EPHA3: variants seen among roughly 807,000 people sequenced by gnomAD.
EPHA3 encodes the protein EPH receptor A3, also known as ephrin type-A receptor 3.
EPHA3 carries 42 observed loss-of-function variants against 107.1 expected under a neutral mutation model. The observed-to-expected ratio is 0.39, with a 90% confidence interval of 0.31 to 0.51. EPHA3 has a LOEUF of 0.51. Among genes scored for constraint, EPHA3 ranks in the 20% least tolerant of loss-of-function variants. The probability of loss-of-function intolerance (pLI) is 0.78; values close to 1 mark genes in which losing one functional copy is unlikely to be tolerated. For synonymous variants in EPHA3, 461 were observed against 424.8 expected (o/e 1.09, Z -1.05); for missense variants, 1,183 against 1,211.2 (o/e 0.98, Z 0.35).
intron 3 of EPHA3, among the ~76,000 whole-genome samples, chr3:89,317,900 A>C (rs577158373): frequency 6.6e-6 from 1 of 151,996 alleles, no homozygotes; most frequent in African/African-American, 2.4e-5. Context: ...TGGCTTAAAA[A>C]GAGATTTGAT....
intron 3 of EPHA3, among the ~76,000 whole-genome samples, chr3:89,268,676 A>T (rs1388084782): frequency 1.3e-5 from 2 of 152,002 alleles, no homozygotes; most frequent in African/African-American, 4.8e-5. Context: ...AGAAAACTTA[A>T]CTGCTGATTT....
At chr3:89,248,989 A>G (rs1340723606) in intron 3 of EPHA3, among the ~76,000 whole-genome samples, 1 of 152,212 alleles carries the variant, frequency 6.6e-6, no homozygotes, top group East Asian at 1.9e-4. Flanking sequence ...CAGAGATTTT[A>G]ATCTGCACCA....
chr3:89,241,572 T>G (rs998212786), intron 3 of EPHA3, among the ~76,000 whole-genome samples: 2 of 152,314 alleles, frequency 1.3e-5, no homozygotes, highest in Admixed American at 6.5e-5. Flanking sequence ...GGGCTCTTTG[T>G]GACAGGCATT....
intron 16 of EPHA3, among the ~76,000 whole-genome samples, chr3:89,475,861 C>T (rs543051005): frequency 6.6e-6 from 1 of 151,970 alleles, no homozygotes; most frequent in Non-Finnish European, 1.5e-5. Flanking sequence ...ACAGGACAGT[C>T]AAAATGAAAT....
intron 3 of EPHA3, among the ~76,000 whole-genome samples, chr3:89,244,146 A>G (rs1270390267): frequency 6.6e-6 from 1 of 152,136 alleles, no homozygotes. Flanking sequence ...TTGATACACA[A>G]ACTGTAATTC....
At chr3:89,243,190 T>C (rs1162066306) in intron 3 of EPHA3, among the ~76,000 whole-genome samples, 1 of 152,100 alleles carries the variant, frequency 6.6e-6, no homozygotes, top group Non-Finnish European at 1.5e-5. Context: ...GTCTTTGCTA[T>C]TGTGAATAGT....
At chr3:89,306,762 C>T (rs1173161816) in intron 3 of EPHA3, among the ~76,000 whole-genome samples, 1 of 152,116 alleles carries the variant, frequency 6.6e-6, no homozygotes, top group African/African-American at 2.4e-5. Flanking sequence ...TTGGTCAGAA[C>T]CGTGCTGTGG....
intron 3 of EPHA3, among the ~76,000 whole-genome samples, chr3:89,222,511 A>G (rs897129707): frequency 6.7e-6 from 1 of 149,270 alleles, no homozygotes; most frequent in Non-Finnish European, 1.5e-5. Flanking sequence ...ATAAATATAT[A>G]TAAATATATG....
chr3:89,334,866 C>T (rs1287665630), intron 3 of EPHA3, among the ~76,000 whole-genome samples: 1 of 152,138 alleles, frequency 6.6e-6, no homozygotes, highest in South Asian at 2.1e-4. Context: ...TGCCATTTCC[C>T]GCTTCCTAGT....
chr3:89,214,446 A>G (rs1312504932), intron 3 of EPHA3, among the ~76,000 whole-genome samples: 2 of 151,952 alleles, frequency 1.3e-5, no homozygotes, highest in Non-Finnish European at 2.9e-5. Flanking sequence ...ATATGATGAA[A>G]TCACCCATTC....
At chr3:89,403,502 A>C (rs989957977) in intron 7 of EPHA3, among the ~76,000 whole-genome samples, 1 of 152,302 alleles carries the variant, frequency 6.6e-6, no homozygotes, top group African/African-American at 2.4e-5. Flanking sequence ...ATGAAAAAAA[A>C]AATACTAAGC....
intron 9 of EPHA3, among the ~76,000 whole-genome samples, chr3:89,410,660 G>C (rs1280711471): frequency 6.6e-6 from 1 of 151,928 alleles, no homozygotes; most frequent in African/African-American, 2.4e-5. Context: ...GGGTTGATCT[G>C]ATATGAGTTT....
At chr3:89,370,601 T>C (rs1434165593) in intron 5 of EPHA3, among the ~76,000 whole-genome samples, 1 of 151,838 alleles carries the variant, frequency 6.6e-6, no homozygotes, top group Non-Finnish European at 1.5e-5. Context: ...GGCACATGTA[T>C]ACATATGTAA....
intron 2 of EPHA3, among the ~76,000 whole-genome samples, chr3:89,197,486 T>C (rs1705865800): frequency 6.6e-6 from 1 of 151,914 alleles, no homozygotes; most frequent in Non-Finnish European, 1.5e-5. Context: ...AGAATATATC[T>C]CTTGACGTGT....
intron 8 of EPHA3, 74 bp from the exon 9 acceptor site, chr3:89,407,993 T>G: frequency 7.4e-7 from 1 of 1,347,806 alleles, no homozygotes; most frequent in South Asian, 1.3e-5. Context: ...TTTTATGCTT[T>G]GCACATTCTG....
intron 15 of EPHA3, among the ~76,000 whole-genome samples, chr3:89,452,139 G>A (rs769369107): frequency 5.9e-5 from 9 of 151,808 alleles, no homozygotes; most frequent in African/African-American, 2.2e-4. Flanking sequence ...TCATATCTTG[G>A]CTATTGTGAA....
At chr3:89,307,123 C>A (rs1395848891) in intron 3 of EPHA3, among the ~76,000 whole-genome samples, 1 of 152,130 alleles carries the variant, frequency 6.6e-6, no homozygotes, top group African/African-American at 2.4e-5. Flanking sequence ...TGTGCATTGA[C>A]TATGGTATAG....
intron 3 of EPHA3, among the ~76,000 whole-genome samples, chr3:89,274,782 G>C (rs2063590): frequency 0.19 from 29,164 of 151,796 alleles, 3,695 homozygotes; most frequent in Non-Finnish European, 0.27. Context: ...GGAAGAAAAG[G>C]CAGATTAACC....
Position 89,204,608 on chromosome 3 carries a change from A to ATGTGTGTGTGTGTGTGTG in EPHA3, c.154-5240_154-5223dup, listed in dbSNP as rs71621535. ...TTTAGAAATATATATCTGTGTGTAAATGTGTGTGTGTGTGTGTGTGTGTGT... is the reference window on the plus strand; with the variant it reads ...TTTAGAAATATATATCTGTGTGTAAATGTGTGTGTGTGTGTGTGTGTGTGTGTGTGTGTGTGTGTGTGT... On this transcript the variant is annotated intron_variant, in intron 2 of 16. Transcript: ENST00000336596. Among the ~76,000 whole-genome samples, 347 of 148,762 alleles carry ATGTGTGTGTGTGTGTGTG rather than the reference A, an allele frequency of 2.3e-3. 4 individuals carry two copies. Among genetic ancestry groups the ATGTGTGTGTGTGTGTGTG allele is most frequent in the African/African-American group, 8.2e-3 (329 of 40,368 alleles).
Sources: allele counts gnomAD v4.1 joint callset (sites outside exome capture counted in the v4.1 genomes callset), GRCh38; gene constraint gnomAD v4.1.1; transcripts MANE v1.5; gene names NCBI Gene and HGNC (gene_info 2026-07-23, HGNC 2026-07-21).